Variants in TMTC1 observed in about 807,000 individuals in gnomAD.
The protein encoded by TMTC1 is protein O-mannosyl-transferase TMTC1.
A neutral mutation model predicts 104.8 loss-of-function variants in TMTC1; 73 were observed. The ratio of observed to expected loss-of-function variants is 0.70; its 90% CI spans 0.58 to 0.85. The LOEUF (loss-of-function observed/expected upper bound fraction) is 0.85, where lower values mean the gene tolerates loss of function less well. Ranked by LOEUF, TMTC1 falls within the 40% of genes least tolerant of loss-of-function variation. The pLI, the probability that TMTC1 is intolerant of heterozygous loss-of-function variation, is 0.00. For missense variants in TMTC1, 1,035 were observed against 1,096.1 expected, an observed-to-expected ratio of 0.94 and a Z score of 0.79; for synonymous variants, 434 against 428.7, an observed-to-expected ratio of 1.01 and a Z score of -0.15.
intron 17 of TMTC1, 46 bp downstream of exon 17, chr12:29,511,997 C>A (rs1230230115): frequency 6.5e-7 from 1 of 1,544,106 alleles, no homozygotes; most frequent in East Asian, 2.2e-5. Flanking sequence ...AGAGAGAAAA[C>A]ACAGGGGGAA....
chr12:29,777,729 A>T (rs1943744680), intron 1 of TMTC1, among the ~76,000 whole-genome samples: 1 of 152,120 alleles, frequency 6.6e-6, no homozygotes, highest in South Asian at 2.1e-4. Flanking sequence ...TCTTTATAAA[A>T]TTTTTCTTGC....
intron 5 of TMTC1, among the ~76,000 whole-genome samples, chr12:29,656,611 A>G (rs1443136859): frequency 1.3e-5 from 2 of 152,160 alleles, no homozygotes; most frequent in Non-Finnish European, 2.9e-5. Context: ...GATGTTTCTC[A>G]AAAGAAAGGA....
intron 5 of TMTC1, among the ~76,000 whole-genome samples, chr12:29,689,743 G>A (rs1479873870): frequency 3.3e-5 from 5 of 152,182 alleles, no homozygotes; most frequent in African/African-American, 1.2e-4. Flanking sequence ...CATAATAAAT[G>A]AATGAGTAAA....
At chr12:29,642,312 A>T (rs759217584) in intron 5 of TMTC1, among the ~76,000 whole-genome samples, 2 of 152,198 alleles carry the variant, frequency 1.3e-5, no homozygotes, top group Non-Finnish European at 1.5e-5. Flanking sequence ...GTTAAGGCGA[A>T]GAAAAGAATC....
intron 5 of TMTC1, among the ~76,000 whole-genome samples, chr12:29,738,871 G>A (rs1016349936): frequency 6.6e-6 from 1 of 152,082 alleles, no homozygotes; most frequent in African/African-American, 2.4e-5. Flanking sequence ...CAAGGCTCCT[G>A]TTACCTTTTC....
At chr12:29,524,334 C>T (rs965777950) in intron 11 of TMTC1, among the ~76,000 whole-genome samples, 6 of 152,152 alleles carry the variant, frequency 3.9e-5, no homozygotes, top group African/African-American at 1.4e-4. Flanking sequence ...ATCAAGCAGT[C>T]TGTTTATTAA....
intron 5 of TMTC1, among the ~76,000 whole-genome samples, chr12:29,690,546 G>C (rs953878013): frequency 2.6e-5 from 4 of 152,170 alleles, no homozygotes; most frequent in African/African-American, 9.7e-5. Context: ...AAAATGAATG[G>C]AGTAAGTTTA....
intron 5 of TMTC1, among the ~76,000 whole-genome samples, chr12:29,643,793 A>ATATATT (rs1425126254): frequency 2.0e-5 from 1 of 49,042 alleles, no homozygotes; most frequent in African/African-American, 6.5e-5. Flanking sequence ...ATATATATTT[A>ATATATT]TATACATATT....
At chr12:29,761,182 T>C (rs1307476492) in intron 2 of TMTC1, among the ~76,000 whole-genome samples, 1 of 149,914 alleles carries the variant, frequency 6.7e-6, no homozygotes, top group Non-Finnish European at 1.5e-5. Context: ...AATTATATTA[T>C]AGAAAGACAA....
chr12:29,773,975 C>T (rs1336820962), intron 1 of TMTC1, among the ~76,000 whole-genome samples: 1 of 151,974 alleles, frequency 6.6e-6, no homozygotes, highest in Admixed American at 6.6e-5. Context: ...CTCAATGCCT[C>T]AAAAAAGGGA....
rs147674018 is a variant in TMTC1, at chr12:29,563,493, G to C, written c.1533-6493C>G. On this transcript the variant is annotated intron_variant, in intron 9 of 17. Coordinates refer to ENST00000539277, the MANE Select transcript of TMTC1 (RefSeq NM_001193451.2). ...GAGATCATGAGGAGTGGGGAGGAGA[G>C]TGGGTATGTTTTGAATACCCACTGC... Among the ~76,000 whole-genome samples, 1,280 of 152,178 alleles carry C rather than the reference G, an allele frequency of 8.4e-3. 15 individuals carry two copies. The highest frequency in any genetic ancestry group is 0.029 in the African/African-American group (1,224 of 41,512).
At chr12:29,623,232 G>A (rs891739232) in intron 6 of TMTC1, among the ~76,000 whole-genome samples, 1 of 152,230 alleles carries the variant, frequency 6.6e-6, no homozygotes, top group Non-Finnish European at 1.5e-5. Context: ...ATGAAGAGCA[G>A]GCTGTGGGGA....
In TMTC1 at chr12:29,783,162, C is replaced by G. The variant is rs557278690; in HGVS notation, c.302+288G>C. ...GGGTGCGGAGGCGGTTTCACCAGCC[C>G]GCTCCCAGCCCTGCCTCGAGAGAGA... is the stretch of plus-strand genomic sequence containing the variant. On this transcript the variant is annotated intron_variant, in intron 1 of 17. Transcript: ENST00000539277. The surrounding 1 kb of genome is among the most constrained non-coding windows in gnomAD (Gnocchi z 4.7). 21 of 350,698 alleles carry G rather than the reference C, an allele frequency of 6.0e-5. No individual in the cohort carries two copies. The South Asian group carries it at 1.5e-3, about 25-fold the overall frequency. The allele number at this position is 350,698 out of a possible 1,614,324, so 21.7% of individuals were successfully genotyped here.
intron 5 of TMTC1, among the ~76,000 whole-genome samples, chr12:29,643,402 C>A (rs1362502949): frequency 1.3e-5 from 1 of 74,870 alleles, no homozygotes; most frequent in Non-Finnish European, 2.8e-5. Context: ...AACCCAAATA[C>A]CCATCAATCA....
At chr12:29,540,307 TTACTC>T (rs1261582480) in intron 10 of TMTC1, among the ~76,000 whole-genome samples, 3 of 152,200 alleles carry the variant, frequency 2.0e-5, no homozygotes, top group South Asian at 2.1e-4. Context: ...GCTAAGTAAT[TTACTC>T]TAATTCTCAT....
At chr12:29,670,590 T>C (rs1033714994) in intron 5 of TMTC1, among the ~76,000 whole-genome samples, 2 of 152,244 alleles carry the variant, frequency 1.3e-5, no homozygotes, top group Middle Eastern at 3.4e-3. Flanking sequence ...ATTCAAATAC[T>C]ATTCTCACAG....
chr12:29,755,312 T>C (rs944555511), intron 4 of TMTC1, among the ~76,000 whole-genome samples: 12 of 152,200 alleles, frequency 7.9e-5, no homozygotes, highest in African/African-American at 2.7e-4. Context: ...GGCTCTTTGA[T>C]GGATAACACT....
At chr12:29,755,992 T>A in intron 3 of TMTC1, 107 bp from the exon 4 acceptor site, 1 of 1,171,002 alleles carries the variant, frequency 8.5e-7, no homozygotes, top group East Asian at 2.6e-5. Flanking sequence ...GCATTCTAAG[T>A]AATTAAGCAG....
intron 11 of TMTC1, among the ~76,000 whole-genome samples, chr12:29,526,796 GT>G (rs140889144): frequency 0.04 from 6,002 of 151,828 alleles, 395 homozygotes; most frequent in African/African-American, 0.14. Flanking sequence ...CAAAAAAGTT[GT>G]TTTTTTTCTC....
Sources: allele counts gnomAD v4.1 joint callset (sites outside exome capture counted in the v4.1 genomes callset), GRCh38; gene constraint gnomAD v4.1.1; non-coding constraint Gnocchi (gnomAD v3.1); transcripts MANE v1.5; gene names NCBI Gene and HGNC (gene_info 2026-07-23, HGNC 2026-07-21).